The following RNLS variants were observed in gnomAD, a reference collection of about 807,000 sequenced individuals.
RNLS encodes the protein renalase, FAD dependent amine oxidase.
In RNLS, 39 loss-of-function variants were observed where a neutral mutation model predicts 39.8. The observed-to-expected ratio is 0.98, with a 90% confidence interval of 0.76 to 1.28. RNLS has a LOEUF of 1.28. RNLS is among the 50% of genes most tolerant of loss of function. The probability of loss-of-function intolerance (pLI) is 0.00; values close to 1 mark genes in which losing one functional copy is unlikely to be tolerated. For synonymous variants in RNLS, 147 were observed against 150.7 expected (o/e 0.98, Z 0.18); for missense variants, 410 against 413.3 (o/e 0.99, Z 0.07).
intron 4 of RNLS, among the ~76,000 whole-genome samples, chr10:88,480,469 G>A (rs996852445): frequency 2.6e-5 from 4 of 152,116 alleles, no homozygotes; most frequent in East Asian, 3.9e-4. Context: ...TTGCCTAGGC[G>A]GGAGTGCAAT....
intron 4 of RNLS, among the ~76,000 whole-genome samples, chr10:88,485,464 C>A (rs1844437325): frequency 2.0e-5 from 3 of 151,652 alleles, no homozygotes; most frequent in Admixed American, 2.0e-4. Context: ...CAAAATAGAT[C>A]ATACACTTAA....
intron 4 of RNLS, among the ~76,000 whole-genome samples, chr10:88,398,163 C>T (rs193250810): frequency 6.6e-6 from 1 of 152,138 alleles, no homozygotes; most frequent in Admixed American, 6.6e-5. Flanking sequence ...AGAAGAGGCA[C>T]ACCACACCAC....
chr10:88,521,838 T>C (rs1052910240), intron 4 of RNLS, among the ~76,000 whole-genome samples: 4 of 152,054 alleles, frequency 2.6e-5, no homozygotes, highest in African/African-American at 4.8e-5. Context: ...AACCTGGGAA[T>C]AGCCATAGTT....
At chr10:88,426,531 T>A (rs1040881006) in intron 4 of RNLS, among the ~76,000 whole-genome samples, 2 of 152,018 alleles carry the variant, frequency 1.3e-5, no homozygotes, top group Admixed American at 1.3e-4. Context: ...TAAGCAAATG[T>A]TTTTAGAAGA....
chr10:88,312,162 A>T (rs1022009735), intron 6 of RNLS, among the ~76,000 whole-genome samples: 1 of 152,222 alleles, frequency 6.6e-6, no homozygotes, highest in Non-Finnish European at 1.5e-5. Context: ...GATTAAAATT[A>T]TGAGTGAGCT....
At chr10:88,272,594 CAT>C (rs974808782), downstream of RNLS, among the ~76,000 whole-genome samples, 1 of 152,194 alleles carries the variant, frequency 6.6e-6, no homozygotes, top group African/African-American at 2.4e-5. Flanking sequence ...TGATCCCTAA[CAT>C]ATCCCAAGTG....
Position 88,341,068 on chromosome 10 carries a change from A to AC in RNLS, c.700+21483_700+21484insG, listed in dbSNP as rs551312127. On this transcript the variant is annotated intron_variant, in intron 5 of 6. Coordinates refer to ENST00000331772, the MANE Select transcript of RNLS (RefSeq NM_001031709.3). The stretch of plus-strand genomic sequence containing the variant: ...AGCAAGATTCTGTCTCAAAAAAAAA[A>AC]AAACAAAAAACAGCAATTTGGGAGG... 1.1e-3 allele frequency among the ~76,000 whole-genome samples: 169 copies of AC among 150,580 alleles called. 2 individuals carry two copies. Among genetic ancestry groups the AC allele is most frequent in the African/African-American group, 3.5e-3 (143 of 40,982 alleles).
At chr10:88,350,407 G>A (rs1293272582) in intron 5 of RNLS, among the ~76,000 whole-genome samples, 1 of 151,968 alleles carries the variant, frequency 6.6e-6, no homozygotes, top group Non-Finnish European at 1.5e-5. Flanking sequence ...ACATGCCCTG[G>A]TGTGCGATGT....
At chr10:88,307,984 A>G (rs1209825348) in intron 6 of RNLS, among the ~76,000 whole-genome samples, 1 of 152,222 alleles carries the variant, frequency 6.6e-6, no homozygotes, top group Non-Finnish European at 1.5e-5. Context: ...ATAAGGCCAC[A>G]CACCTACAAC....
At chr10:88,416,753 C>G (rs547647894) in intron 4 of RNLS, among the ~76,000 whole-genome samples, 1 of 152,110 alleles carries the variant, frequency 6.6e-6, no homozygotes, top group Non-Finnish European at 1.5e-5. Flanking sequence ...AGCTCCCATC[C>G]TATTGAAAAC....
intron 4 of RNLS, among the ~76,000 whole-genome samples, chr10:88,460,312 G>T (rs1203901079): frequency 6.6e-6 from 1 of 152,108 alleles, no homozygotes; most frequent in Non-Finnish European, 1.5e-5. Context: ...CCAAGTGGTT[G>T]TTGTGAAATA....
At chr10:88,579,467 T>C (rs1024138412) in intron 3 of RNLS, among the ~76,000 whole-genome samples, 38 of 152,186 alleles carry the variant, frequency 2.5e-4, no homozygotes, top group African/African-American at 8.7e-4. Flanking sequence ...TTTCTAGGGC[T>C]AGCCTCAGGG....
chr10:88,320,405 T>C (rs1430922278), intron 5 of RNLS, among the ~76,000 whole-genome samples: 2 of 151,146 alleles, frequency 1.3e-5, no homozygotes, highest in East Asian at 3.9e-4. Flanking sequence ...ACAAAGTAAC[T>C]AGCTAACAAC....
At chr10:88,208,453 T>C in the RNLS span, among the ~76,000 whole-genome samples, 1 of 152,146 alleles carries the variant, frequency 6.6e-6, no homozygotes. Flanking sequence ...AGAAAAGCAG[T>C]GATATTTTAC....
chr10:88,229,785 C>T, the RNLS span, among the ~76,000 whole-genome samples: 3 of 152,170 alleles, frequency 2.0e-5, no homozygotes, highest in South Asian at 2.1e-4. Flanking sequence ...TTTTGTGTCT[C>T]GCTTCTTTCA....
the RNLS span, among the ~76,000 whole-genome samples, chr10:88,242,212 T>A: frequency 6.6e-6 from 1 of 152,246 alleles, no homozygotes; most frequent in Non-Finnish European, 1.5e-5. Context: ...ACTAAGATGC[T>A]GACTAAACTT....
chr10:88,290,914 A>AG (rs1308876664), intron 6 of RNLS, among the ~76,000 whole-genome samples: 1 of 152,186 alleles, frequency 6.6e-6, no homozygotes, highest in African/African-American at 2.4e-5. Flanking sequence ...TTCACTGGGA[A>AG]AGAAAGGTTT....
At chr10:88,450,794 G>A (rs1050260160) in intron 4 of RNLS, among the ~76,000 whole-genome samples, 3 of 152,222 alleles carry the variant, frequency 2.0e-5, no homozygotes, top group African/African-American at 7.2e-5. Flanking sequence ...GGAGGTTTAT[G>A]TGCAAAGATA....
At chr10:88,234,986 G>T in the RNLS span, among the ~76,000 whole-genome samples, 3 of 151,928 alleles carry the variant, frequency 2.0e-5, no homozygotes, top group Non-Finnish European at 4.4e-5. Flanking sequence ...CATGGGCCGG[G>T]CGCGGTGGCT....
Sources: gnomAD v4.1 joint callset for allele counts (sites outside exome capture counted in the v4.1 genomes callset) on GRCh38, gnomAD v4.1.1 for gene constraint, MANE v1.5 for transcripts, NCBI Gene and HGNC (gene_info 2026-07-23, HGNC 2026-07-21) for gene names.